Variants in ITCH observed in about 807,000 individuals in gnomAD.
ITCH encodes itchy E3 ubiquitin protein ligase, also known as E3 ubiquitin-protein ligase Itchy homolog.
Under a neutral mutation model 126.8 loss-of-function variants are expected in ITCH, and 28 were observed. That is an observed-to-expected ratio of 0.22 (90% CI 0.16 to 0.30). The LOEUF (loss-of-function observed/expected upper bound fraction) is 0.30. ITCH is among the 10% of genes least tolerant of loss of function. The pLI is 1.00. For missense variants in ITCH, 631 were observed against 1,032.4 expected (o/e 0.61, Z 5.33); for synonymous variants, 342 against 340.0 (o/e 1.01, Z -0.06).
At chr20:34,441,373 T>G (rs1983727804) in intron 9 of ITCH, among the ~76,000 whole-genome samples, 1 of 152,182 alleles carries the variant, frequency 6.6e-6, no homozygotes, top group Admixed American at 6.5e-5. Flanking sequence ...TATTTTAAGA[T>G]TATTTTCATA....
chr20:34,465,133 A>C (rs1986929555), intron 14 of ITCH, among the ~76,000 whole-genome samples: 1 of 152,204 alleles, frequency 6.6e-6, no homozygotes, highest in Non-Finnish European at 1.5e-5. Context: ...AATTTTCCCA[A>C]GCACCATTTG....
Position 34,408,687 on chromosome 20 carries a change from G to T in ITCH, c.107G>T (p.Trp36Leu), listed in dbSNP as rs1978501760. ...SAKLKENKKN[W>L]FGPSPYVEVT... ...AAACTTAAGGAAAATAAGAAGAATT[G>T]GTTTGGACCAAGTCCTTACGTAGAG... The change falls in exon 4 of 25, where the codon TGG (tryptophan) becomes TTG (leucine). Residue 36 changes from tryptophan (W) to leucine (L), a missense_variant. Physicochemically the swap from Trp to Leu is moderately conservative, Grantham distance 61 (BLOSUM62 -2). Transcript: ENST00000374864. 1 of 1,613,718 alleles carries T rather than the reference G, an allele frequency of 6.2e-7. No homozygotes were observed.
rs766676602 is a variant in ITCH at position 34,412,615 on chromosome 20, A to G, written c.313A>G (p.Thr105Ala). The G allele has an allele frequency of 1.9e-6, 3 of 1,607,576 alleles. No individual in the cohort carries two copies. In the South Asian group the frequency reaches 3.3e-5, roughly 18 times the overall value. Residue 105 changes from threonine to alanine, a missense_variant, in exon 5 of 25, where the codon ACA becomes GCA. Transcript: ENST00000374864. ...LGTAALDIYE[T>A]LKSNNMKLEE... Reference sequence around the variant, plus strand: ...AACTGCTGCATTAGATATTTATGAAACATTAAAGTCAAACAATATGAAACG... The same window carrying G: ...AACTGCTGCATTAGATATTTATGAAGCATTAAAGTCAAACAATATGAAACG...
intron 23 of ITCH, among the ~76,000 whole-genome samples, chr20:34,496,330 C>A (rs1321408626): frequency 6.6e-6 from 1 of 151,996 alleles, no homozygotes; most frequent in African/African-American, 2.4e-5. Flanking sequence ...CTGTTGAGTT[C>A]TTGTATATTC....
chr20:34,452,508 A>G (rs1283423710), intron 12 of ITCH, among the ~76,000 whole-genome samples: 1 of 152,106 alleles, frequency 6.6e-6, no homozygotes, highest in Non-Finnish European at 1.5e-5. Flanking sequence ...CATATACCTT[A>G]CTTGTAGAAC....
At chr20:34,375,324 A>T (rs1427230290) in intron 2 of ITCH, among the ~76,000 whole-genome samples, 2 of 142,948 alleles carry the variant, frequency 1.4e-5, no homozygotes, top group Non-Finnish European at 3.0e-5. Context: ...TACAGGCGTG[A>T]GCCACCGCAC....
At chr20:34,396,777 C>T (rs1346917901) in intron 3 of ITCH, among the ~76,000 whole-genome samples, 1 of 152,062 alleles carries the variant, frequency 6.6e-6, no homozygotes, top group Non-Finnish European at 1.5e-5. Context: ...TGTCTGTTCA[C>T]GTCCTTTGTT....
rs145727663 is a variant in ITCH at position 34,406,776 on chromosome 20, C to T, written c.71-1875C>T. On this transcript the variant is annotated intron_variant, in intron 3 of 24. Coordinates refer to ENST00000374864, the MANE Select transcript of ITCH (RefSeq NM_031483.7). ...GTCTCGATCTCCTGACCTCGTGATC[C>T]GCCCGTCTCAGTCTCCCAAAGTGCT... Among the ~76,000 whole-genome samples the T allele has an allele frequency of 2.3e-3, 348 of 152,052 alleles. 1 individual carries two copies. The highest frequency in any genetic ancestry group is 8.1e-3 in the African/African-American group (334 of 41,462).
At chr20:34,446,357 G>A (rs565459448) in intron 11 of ITCH, among the ~76,000 whole-genome samples, 25 of 152,060 alleles carry the variant, frequency 1.6e-4, no homozygotes, top group Non-Finnish European at 2.8e-4. Context: ...AGCACCTTTC[G>A]TATTCCTTTC....
chr20:34,472,936 C>A (rs937929976), intron 16 of ITCH, among the ~76,000 whole-genome samples: 1 of 152,142 alleles, frequency 6.6e-6, no homozygotes, highest in Non-Finnish European at 1.5e-5. Flanking sequence ...TTTCTTGAAG[C>A]AACTTGCTTA....
chr20:34,487,375 A>T (rs1281440152), intron 20 of ITCH, among the ~76,000 whole-genome samples: 1 of 152,074 alleles, frequency 6.6e-6, no homozygotes, highest in East Asian at 1.9e-4. Flanking sequence ...ATTTATGTTT[A>T]ATTTTATTAC....
chr20:34,452,754 C>G (rs1985417178), intron 12 of ITCH, among the ~76,000 whole-genome samples: 2 of 152,180 alleles, frequency 1.3e-5, no homozygotes, highest in South Asian at 4.1e-4. Flanking sequence ...TAATTGCACA[C>G]TACAGCTTTG....
intron 16 of ITCH, 142 bp downstream of exon 16, chr20:34,471,657 A>T: frequency 1.5e-6 from 1 of 669,364 alleles, no homozygotes; most frequent in Non-Finnish European, 2.7e-6. Context: ...ATTGCCAGCC[A>T]CCTTAGGGCT....
chr20:34,417,203 T>C lies in ITCH; in HGVS notation c.475+3324T>C, dbSNP rs536848052. The stretch of plus-strand genomic sequence containing the variant: ...CCTCTGCCTCCCGGGTTTAAGTGAT[T>C]CTCCTATCTCAGCCTCCCGAGTAGC... On this transcript the variant is annotated intron_variant, in intron 6 of 24. Coordinates refer to ENST00000374864, the MANE Select transcript of ITCH (RefSeq NM_031483.7). 1.7e-4 allele frequency: 117 copies of C among 674,918 alleles called. 3 individuals carry two copies. The highest frequency in any genetic ancestry group is 1.7e-3 in the South Asian group (113 of 65,794). 41.8% of individuals were successfully genotyped at this position (674,918 alleles called of 1,614,324 possible). A position where few individuals can be genotyped will look rare whatever the true frequency, so the allele number is the denominator to read the frequency against.
chr20:34,485,668 T>C (rs559543374), intron 20 of ITCH, among the ~76,000 whole-genome samples: 1 of 152,256 alleles, frequency 6.6e-6, no homozygotes, highest in Admixed American at 6.5e-5. Context: ...TCTTCTTACC[T>C]TTTCTTACGA....
chr20:34,501,945 T>A (rs956350317), intron 23 of ITCH, among the ~76,000 whole-genome samples: 38 of 151,670 alleles, frequency 2.5e-4, no homozygotes, highest in African/African-American at 9.2e-4. Flanking sequence ...TGGAGAAAAA[T>A]GAGGTAGATC....
chr20:34,437,753 G>A (rs1983209788), intron 7 of ITCH, among the ~76,000 whole-genome samples: 1 of 152,156 alleles, frequency 6.6e-6, no homozygotes, highest in Non-Finnish European at 1.5e-5. Flanking sequence ...TTATGCCCTT[G>A]TTTCTAATCT....
chr20:34,418,897 G>A (rs2146200667), intron 6 of ITCH, among the ~76,000 whole-genome samples: 1 of 151,854 alleles, frequency 6.6e-6, no homozygotes, highest in Non-Finnish European at 1.5e-5. Flanking sequence ...AAGTAGCTGG[G>A]ATTACAGGCA....
chr20:34,365,365 C>T (rs2122939828), intron 1 of ITCH, among the ~76,000 whole-genome samples: 1 of 152,070 alleles, frequency 6.6e-6, no homozygotes, highest in African/African-American at 2.4e-5. Flanking sequence ...CAGACTACTT[C>T]TTCAGTGTAT....
Sources: gnomAD v4.1 joint callset for allele counts (sites outside exome capture counted in the v4.1 genomes callset) on GRCh38, gnomAD v4.1.1 for gene constraint, MANE v1.5 for transcripts, NCBI Gene and HGNC (gene_info 2026-07-23, HGNC 2026-07-21) for gene names.